Variants in HCLS1 observed in about 807,000 individuals in gnomAD.
HCLS1 encodes hematopoietic cell-specific Lyn substrate 1.
In HCLS1, 44 loss-of-function variants were observed where a neutral mutation model predicts 68.6. That is an observed-to-expected ratio of 0.64 (90% CI 0.50 to 0.82). The LOEUF is 0.82. Ranked by LOEUF, HCLS1 falls within the 40% of genes least tolerant of loss-of-function variation. The pLI is 0.00. For synonymous variants in HCLS1, 217 were observed against 225.8 expected, an observed-to-expected ratio of 0.96 and a Z score of 0.35; for missense variants, 602 against 612.1, an observed-to-expected ratio of 0.98 and a Z score of 0.17.
intron 4 of HCLS1, among the ~76,000 whole-genome samples, chr3:121,646,243 T>TATATATATTTA (rs1363345299): frequency 9.2e-6 from 1 of 108,736 alleles, no homozygotes; most frequent in Non-Finnish European, 1.6e-5. Flanking sequence ...ATATATATTT[T>TATATATATTTA]ATATATATTT....
At chr3:121,642,477 A>T (rs2107466969) in intron 6 of HCLS1, among the ~76,000 whole-genome samples, 1 of 151,704 alleles carries the variant, frequency 6.6e-6, no homozygotes, top group African/African-American at 2.4e-5. Context: ...TCAAAAAAAT[A>T]AAAAAGTATG....
At chr3:121,641,976 A>T (rs1007647783) in intron 6 of HCLS1, among the ~76,000 whole-genome samples, 2 of 142,912 alleles carry the variant, frequency 1.4e-5, no homozygotes, top group Non-Finnish European at 3.0e-5. Context: ...GCTACTCGGG[A>T]GGCTGAGGCA....
chr3:121,648,224 T>G (rs1345728315), intron 3 of HCLS1, among the ~76,000 whole-genome samples: 1 of 152,256 alleles, frequency 6.6e-6, no homozygotes, highest in South Asian at 2.1e-4. Flanking sequence ...CCACTCACAG[T>G]TATTGCTATA....
chr3:121,635,177 C>T (rs2049137132), intron 9 of HCLS1, among the ~76,000 whole-genome samples: 1 of 151,694 alleles, frequency 6.6e-6, no homozygotes, highest in Non-Finnish European at 1.5e-5. Flanking sequence ...TGTCTATCCA[C>T]TTGACTTTCT....
chr3:121,633,647 C>T (rs1280074990), intron 10 of HCLS1, among the ~76,000 whole-genome samples: 1 of 152,186 alleles, frequency 6.6e-6, no homozygotes, highest in Non-Finnish European at 1.5e-5. Flanking sequence ...AAACAATCCT[C>T]CTCTCTAAGC....
At chr3:121,641,528 T>C (rs543940697) in intron 6 of HCLS1, among the ~76,000 whole-genome samples, 40 of 152,184 alleles carry the variant, frequency 2.6e-4, no homozygotes, top group Non-Finnish European at 4.7e-4. Flanking sequence ...ATAATAATGA[T>C]TCATTTTTGT....
intron 4 of HCLS1, among the ~76,000 whole-genome samples, chr3:121,645,722 C>A (rs1425711362): frequency 2.0e-5 from 3 of 151,272 alleles, no homozygotes; most frequent in Non-Finnish European, 4.4e-5. Context: ...ATATTTTAGA[C>A]CAAATGACTA....
intron 4 of HCLS1, among the ~76,000 whole-genome samples, chr3:121,646,331 TATTA>T (rs1336063356): frequency 1.1e-4 from 11 of 104,130 alleles, no homozygotes; most frequent in African/African-American, 4.0e-4. Flanking sequence ...ATATATTATA[TATTA>T]ATTATAGTAT....
At chr3:121,660,655 A>G (rs1937970523) in intron 1 of HCLS1, among the ~76,000 whole-genome samples, 165 bp downstream of exon 1, 1 of 152,168 alleles carries the variant, frequency 6.6e-6, no homozygotes, top group East Asian at 1.9e-4. Context: ...TTCTATCTCC[A>G]GATGCTGATT....
chr3:121,657,733 A>G (rs1937903155), intron 2 of HCLS1, among the ~76,000 whole-genome samples: 1 of 152,160 alleles, frequency 6.6e-6, no homozygotes, highest in African/African-American at 2.4e-5. Context: ...AGGCTGAGGT[A>G]GGAGAATCGC....
At chr3:121,648,301 A>G (rs1308269159) in intron 3 of HCLS1, among the ~76,000 whole-genome samples, 1 of 152,172 alleles carries the variant, frequency 6.6e-6, no homozygotes, top group Non-Finnish European at 1.5e-5. Context: ...AGTACCACCA[A>G]AAAAGGCATT....
intron 3 of HCLS1, 82 bp downstream of exon 3, chr3:121,657,197 C>A: frequency 8.4e-7 from 1 of 1,187,620 alleles, no homozygotes; most frequent in East Asian, 2.4e-5. Flanking sequence ...CTTTTCCTCC[C>A]TCACCTTCCC....
rs2049231102 is a variant in HCLS1, at chr3:121,644,888, T to C, written c.329A>G (p.His110Arg). The change falls in exon 5 of 14, where the codon CAC (histidine) becomes CGC (arginine). Residue 110 changes from histidine to arginine, a missense_variant. Coordinates refer to ENST00000314583, the MANE Select transcript of HCLS1 (RefSeq NM_005335.6). ...TTTGGCAGCATCCGTCTGAGAAGAG[T>C]GCTTCTCCACCTCGGCAACATACTC... ...GHEYVAEVEK[H>R]SSQTDAAKGF... The C allele has an allele frequency of 6.2e-7, 1 of 1,613,918 alleles. No individual in the cohort carries two copies. Among genetic ancestry groups the C allele is most frequent in the Non-Finnish European group, 8.5e-7 (1 of 1,179,918 alleles).
At chr3:121,634,092 C>T in intron 10 of HCLS1, 115 bp downstream of exon 10, 6 of 1,539,372 alleles carry the variant, frequency 3.9e-6, no homozygotes, top group South Asian at 1.2e-5. Context: ...AGACAACAGA[C>T]CTTGCCTAAC....
At chr3:121,658,192 TCA>T in intron 2 of HCLS1, 70 bp downstream of exon 2, 2 of 1,128,488 alleles carry the variant, frequency 1.8e-6, no homozygotes, top group East Asian at 2.4e-5. Context: ...TCCTCAAAGA[TCA>T]CAGAGTGGCC....
intron 12 of HCLS1, 66 bp from the exon 13 acceptor site, chr3:121,632,250 C>T: frequency 6.2e-7 from 1 of 1,603,152 alleles, no homozygotes; most frequent in South Asian, 1.1e-5. Context: ...AAAGATCCTA[C>T]TGGGGCAATA....
chr3:121,651,432 G>T (rs962217479), intron 3 of HCLS1, among the ~76,000 whole-genome samples: 5 of 152,076 alleles, frequency 3.3e-5, no homozygotes, highest in African/African-American at 1.2e-4. Flanking sequence ...TGTTGTTGTT[G>T]TTGTTTTGTT....
chr3:121,657,554 G>C (rs988984998), intron 2 of HCLS1, among the ~76,000 whole-genome samples: 12 of 152,148 alleles, frequency 7.9e-5, no homozygotes, highest in African/African-American at 2.9e-4. Flanking sequence ...GGTGGCTTAT[G>C]CCTGTAATCC....
Position 121,657,290 on chromosome 3 carries a change from T to A in HCLS1, c.147A>T (p.Thr49=). 6.2e-7 allele frequency: 1 copy of A among 1,614,060 alleles called. No homozygotes were observed. The highest frequency in any genetic ancestry group is 1.3e-5 in the African/African-American group (1 of 75,048). The change falls in exon 3 of 14, where the codon ACA becomes ACT. Residue 49 remains threonine (T), a synonymous_variant. Transcript: ENST00000314583. ...CTTTCGGCACCTACTTGATGTGTTC[T>A]GTGCGTCCAGACCCCTCGATGGTCT... ...GAKTIEGSGR[T]EHINIHQLRN... is the part of the protein sequence containing the mutation.
Sources: gnomAD v4.1 joint callset for allele counts (sites outside exome capture counted in the v4.1 genomes callset) on GRCh38, gnomAD v4.1.1 for gene constraint, MANE v1.5 for transcripts, NCBI Gene and HGNC (gene_info 2026-07-23, HGNC 2026-07-21) for gene names.